The following BCAS2 variants were observed in gnomAD, a reference collection of about 807,000 sequenced individuals.
The protein encoded by BCAS2 is pre-mRNA-splicing factor SPF27.
A neutral mutation model predicts 35.3 loss-of-function variants in BCAS2; 34 were observed. The observed-to-expected ratio is 0.96, with a 90% CI of 0.73 to 1.28. The LOEUF is 1.28. Ranked by LOEUF, BCAS2 falls within the 50% of genes most tolerant of loss-of-function variation. BCAS2 has a pLI of 0.00. For synonymous variants in BCAS2, 75 were observed against 91.6 expected (o/e 0.82, Z 1.03); for missense variants, 221 against 268.1 (o/e 0.82, Z 1.23).
rs1389953305 is a variant in BCAS2 at position 114,567,953 on chromosome 1, T to C, written c.*177A>G. The C allele has an allele frequency of 1.3e-6, 1 of 797,344 alleles. No homozygotes were observed. Among genetic ancestry groups the C allele is most frequent in the Non-Finnish European group, 1.9e-6 (1 of 524,328 alleles). 49.4% of individuals were successfully genotyped at this position (797,344 alleles called of 1,614,324 possible). ...TATAAAAATACCACCAAGCTAGACA[T>C]TTTAATTCTGTTGAGATATACAAAT... is the stretch of plus-strand genomic sequence containing the variant. On this transcript the variant is annotated 3_prime_UTR_variant, in exon 7 of 7. Coordinates refer to ENST00000369541, the MANE Select transcript of BCAS2 (RefSeq NM_005872.3).
Position 114,575,528 on chromosome 1 carries a change from G to A in BCAS2, c.419+62C>T, listed in dbSNP as rs922245920. On this transcript the variant is annotated intron_variant, in intron 4 of 6. Transcript: ENST00000369541. ...ACTTTTAAAATGTACTAAAACTTTG[G>A]GTGAGATGGAAAGAAAAGAGAAAAA... 1.9e-5 allele frequency: 28 copies of A among 1,486,316 alleles called. No individual in the cohort carries two copies. In the Middle Eastern group the frequency reaches 2.8e-3, roughly 146 times the overall value. 92.1% of individuals were successfully genotyped at this position (1,486,316 alleles called of 1,614,324 possible).
intron 3 of BCAS2, among the ~76,000 whole-genome samples, chr1:114,576,283 G>A (rs1006940964): frequency 6.8e-6 from 1 of 147,222 alleles, no homozygotes; most frequent in Non-Finnish European, 1.5e-5. Flanking sequence ...TTTCAAGACT[G>A]GGTCTCCCTC....
rs182155588 is a variant in BCAS2, at chr1:114,579,647, C to A, written c.186+1652G>T. Among the ~76,000 whole-genome samples the A allele has an allele frequency of 3.2e-3, 489 of 152,288 alleles. 4 individuals carry two copies. Among genetic ancestry groups the A allele is most frequent in the Non-Finnish European group, 3.9e-3 (265 of 68,032 alleles). ...TTGGGAGGCTGAGGTGGGTGGATCA[C>A]TTGAGGCCAGGAGTTCAAGACCAGC... On this transcript the variant is annotated intron_variant, in intron 2 of 6. Coordinates refer to ENST00000369541, the MANE Select transcript of BCAS2 (RefSeq NM_005872.3).
At chr1:114,577,246 T>C (rs770291047) in intron 2 of BCAS2, among the ~76,000 whole-genome samples, 32 of 152,316 alleles carry the variant, frequency 2.1e-4, no homozygotes, top group Non-Finnish European at 3.7e-4. Context: ...TACCTTGCCA[T>C]GTAATGCCCT....
chr1:114,572,214 A>G (rs930478414), intron 4 of BCAS2, among the ~76,000 whole-genome samples: 31 of 152,150 alleles, frequency 2.0e-4, no homozygotes, highest in Non-Finnish European at 5.9e-5. Flanking sequence ...GTTTCCTTGC[A>G]TTAGCTGCAA....
At position 114,568,438 on chromosome 1, in the gene BCAS2, C is replaced by T. The variant is rs528232018; in HGVS notation, c.552-182G>A. ...CTGGAGAACAATGGCGCAACCTCAG[C>T]TCACTGCAACCTCCGCCTCCCGGGT... On this transcript the variant is annotated intron_variant, in intron 6 of 6. Transcript: ENST00000369541. Among the ~76,000 whole-genome samples, 7 of 151,348 alleles carry T rather than the reference C, an allele frequency of 4.6e-5. No individual in the cohort carries two copies. In the East Asian group the frequency reaches 7.8e-4, roughly 17 times the overall value.
In BCAS2 at chr1:114,576,722, C is replaced by A. The variant is rs768093804; in HGVS notation, c.223G>T (p.Ala75Ser). 9 of 1,611,158 alleles carry A rather than the reference C, an allele frequency of 5.6e-6. No individual in the cohort carries two copies. The African/African-American group carries it at 9.4e-5, about 17-fold the overall frequency. The part of the protein sequence containing the change: ...IMRNEFERLA[A>S]RQPIELLSMK... ...CTGAGCAATTCAATTGGTTGTCGAG[C>A]AGCCAGTCTTTCAAATTCATTTCTC... Residue 75 changes from alanine to serine, a missense_variant, in exon 3 of 7, where the codon GCT becomes TCT. By Grantham distance (99) the Ala-to-Ser change is moderately conservative. Coordinates refer to ENST00000369541, the MANE Select transcript of BCAS2 (RefSeq NM_005872.3).
At chr1:114,578,410 G>A (rs370923825) in intron 2 of BCAS2, among the ~76,000 whole-genome samples, 5 of 151,792 alleles carry the variant, frequency 3.3e-5, no homozygotes, top group South Asian at 2.1e-4. Flanking sequence ...AATTAAACAC[G>A]AGGCAGTATA....
At chr1:114,569,084 T>C (rs962710284) in intron 6 of BCAS2, among the ~76,000 whole-genome samples, 1 of 152,068 alleles carries the variant, frequency 6.6e-6, no homozygotes, top group African/African-American at 2.4e-5. Flanking sequence ...TTTCTTACAA[T>C]TGCATGTGAA....
intron 3 of BCAS2, among the ~76,000 whole-genome samples, chr1:114,575,952 T>C (rs774056932): frequency 3.1e-4 from 47 of 152,216 alleles, no homozygotes; most frequent in South Asian, 1.7e-3. Context: ...TTCACTTCAA[T>C]GTGAACTGGT....
intron 3 of BCAS2, among the ~76,000 whole-genome samples, chr1:114,576,327 C>T (rs1478710590): frequency 6.6e-6 from 1 of 150,920 alleles, no homozygotes; most frequent in Non-Finnish European, 1.5e-5. Flanking sequence ...GGCACAATCT[C>T]GGCTTGCTGC....
At chr1:114,581,194 G>C in intron 2 of BCAS2, 105 bp downstream of exon 2, 2 of 1,108,712 alleles carry the variant, frequency 1.8e-6, no homozygotes, top group Non-Finnish European at 2.8e-6. Flanking sequence ...CAGTAGGTAA[G>C]TAGTAGCTAT....
At chr1:114,576,563 C>T in intron 3 of BCAS2, 125 bp downstream of exon 3, 1 of 688,790 alleles carries the variant, frequency 1.5e-6, no homozygotes, top group Non-Finnish European at 2.3e-6. Flanking sequence ...GCTGGAATTA[C>T]AGGTGTGAGC....
At chr1:114,570,456 C>T (rs1289562848) in intron 5 of BCAS2, among the ~76,000 whole-genome samples, 1 of 152,184 alleles carries the variant, frequency 6.6e-6, no homozygotes, top group African/African-American at 2.4e-5. Context: ...ACTTTTCCCA[C>T]TCTAAAAGTG....
chr1:114,575,528 G>C, intron 4 of BCAS2, 62 bp downstream of exon 4: 1 of 1,486,432 alleles, frequency 6.7e-7, no homozygotes, highest in Non-Finnish European at 9.1e-7. Flanking sequence ...TAAAACTTTG[G>C]GTGAGATGGA....
In BCAS2 at chr1:114,569,979, TATAG is replaced by T. The variant is rs1490349476; in HGVS notation, c.551+9_551+12del. On this transcript the variant is annotated intron_variant, in intron 6 of 6. Transcript: ENST00000369541. Reference sequence around the variant, plus strand: ...TAAACAATTTAAAAGATGATGGAATTATAGATACTCACTTTGACTCCATTTCTCT... The same window carrying T: ...TAAACAATTTAAAAGATGATGGAATTATACTCACTTTGACTCCATTTCTCT... 4.4e-6 allele frequency: 7 copies of T among 1,580,358 alleles called. No individual in the cohort carries two copies. Among genetic ancestry groups the T allele is most frequent in the Non-Finnish European group, 6.1e-6 (7 of 1,150,374 alleles).
At chr1:114,575,492 G>T in intron 4 of BCAS2, 98 bp downstream of exon 4, 1 of 1,232,634 alleles carries the variant, frequency 8.1e-7, no homozygotes, top group Non-Finnish European at 1.1e-6. Flanking sequence ...ACTGCACCCA[G>T]CACCTCCCAT....
At chr1:114,574,605 T>C (rs973839260) in intron 4 of BCAS2, among the ~76,000 whole-genome samples, 1 of 152,218 alleles carries the variant, frequency 6.6e-6, no homozygotes, top group Non-Finnish European at 1.5e-5. Flanking sequence ...ACATAACCCA[T>C]GACTAATGAG....
intron 3 of BCAS2, 46 bp from the exon 4 acceptor site, chr1:114,575,797 G>A (rs1229445564): frequency 6.3e-7 from 1 of 1,588,332 alleles, no homozygotes; most frequent in Non-Finnish European, 8.6e-7. Context: ...ATACTGCCAA[G>A]CCTTTACATC....
Sources: gnomAD v4.1 joint callset for allele counts (sites outside exome capture counted in the v4.1 genomes callset) on GRCh38, gnomAD v4.1.1 for gene constraint, MANE v1.5 for transcripts, NCBI Gene and HGNC (gene_info 2026-07-23, HGNC 2026-07-21) for gene names.